The following MORC1 variants were observed in gnomAD, a reference collection of about 807,000 sequenced individuals.
The protein encoded by MORC1 is MORC family CW-type zinc finger protein 1.
Under a neutral mutation model 134.9 loss-of-function variants are expected in MORC1, and 59 were observed. The observed-to-expected ratio is 0.44, with a 90% CI of 0.35 to 0.54. The LOEUF is 0.54. Among genes scored for constraint, MORC1 ranks in the 20% least tolerant of loss-of-function variants. The probability of loss-of-function intolerance (pLI) is 0.00; values close to 1 mark genes in which losing one functional copy is unlikely to be tolerated. For missense variants in MORC1, 947 were observed against 1,134.5 expected (o/e 0.83, Z 2.37); for synonymous variants, 395 against 391.7 (o/e 1.01, Z -0.10).
At chr3:108,996,131 G>T (rs984715404) in intron 21 of MORC1, among the ~76,000 whole-genome samples, 3 of 152,268 alleles carry the variant, frequency 2.0e-5, no homozygotes, top group South Asian at 4.1e-4. Context: ...TAAAATAGGG[G>T]TGAAAAGAAT....
chr3:109,015,183 C>T (rs748638863), intron 17 of MORC1, among the ~76,000 whole-genome samples: 14 of 152,070 alleles, frequency 9.2e-5, no homozygotes, highest in Non-Finnish European at 1.6e-4. Context: ...CACACCCAGC[C>T]CCAAATGAAA....
chr3:109,018,162 C>T (rs1233538223), intron 17 of MORC1, among the ~76,000 whole-genome samples: 1 of 151,918 alleles, frequency 6.6e-6, no homozygotes, highest in East Asian at 1.9e-4. Context: ...ACTCACAGCC[C>T]TGGAAAGTAA....
At chr3:109,092,020 ACT>A (rs1950739661) in intron 8 of MORC1, among the ~76,000 whole-genome samples, 1 of 152,210 alleles carries the variant, frequency 6.6e-6, no homozygotes, top group South Asian at 2.1e-4. Flanking sequence ...ATGCCAAGGC[ACT>A]CTGACAGATA....
chr3:109,031,002 A>AAG (rs1249231151), intron 16 of MORC1, among the ~76,000 whole-genome samples: 1 of 152,228 alleles, frequency 6.6e-6, no homozygotes, highest in Non-Finnish European at 1.5e-5. Context: ...TAAATTTTTA[A>AAG]AGAGAGACAG....
intron 14 of MORC1, among the ~76,000 whole-genome samples, chr3:109,047,953 C>T (rs2107652564): frequency 6.6e-6 from 1 of 152,266 alleles, no homozygotes. Context: ...AGACAATCAG[C>T]CTCACAATGG....
intron 13 of MORC1, among the ~76,000 whole-genome samples, chr3:109,055,129 A>C (rs1949926825): frequency 6.6e-6 from 1 of 152,204 alleles, no homozygotes; most frequent in Non-Finnish European, 1.5e-5. Flanking sequence ...CTCGTTTTAC[A>C]AATCTATCGC....
At chr3:108,977,781 A>G (rs1947602073) in intron 24 of MORC1, among the ~76,000 whole-genome samples, 1 of 152,194 alleles carries the variant, frequency 6.6e-6, no homozygotes, top group Admixed American at 6.5e-5. Flanking sequence ...CTAGAAAAAT[A>G]CAGGCAGAGG....
intron 17 of MORC1, among the ~76,000 whole-genome samples, chr3:109,007,881 C>T (rs1244895933): frequency 2.6e-5 from 4 of 152,044 alleles, no homozygotes; most frequent in Admixed American, 1.3e-4. Context: ...ACCACTGATA[C>T]CACTGTCTCG....
intron 26 of MORC1, among the ~76,000 whole-genome samples, chr3:108,964,740 G>T (rs1559857721): frequency 6.6e-6 from 1 of 152,270 alleles, no homozygotes; most frequent in East Asian, 1.9e-4. Context: ...TTCACAGCAT[G>T]AGATAATACA....
At chr3:109,114,331 A>C in intron 2 of MORC1, 53 bp downstream of exon 2, 6 of 1,442,294 alleles carry the variant, frequency 4.2e-6, no homozygotes, top group African/African-American at 1.4e-5. Flanking sequence ...TAATTAGACA[A>C]GAGTTATGTC....
chr3:109,044,994 T>C (rs1949658100), intron 14 of MORC1, among the ~76,000 whole-genome samples: 1 of 151,568 alleles, frequency 6.6e-6, no homozygotes, highest in South Asian at 2.1e-4. Context: ...TAGATGTCAG[T>C]TTTGTATCTG....
intron 14 of MORC1, among the ~76,000 whole-genome samples, chr3:109,054,324 T>A (rs1308841909): frequency 2.0e-5 from 3 of 150,534 alleles, no homozygotes; most frequent in Non-Finnish European, 4.4e-5. Flanking sequence ...TTACCCAGGG[T>A]CAGTAGTTTT....
At chr3:108,994,676 C>T (rs1369626699) in intron 21 of MORC1, among the ~76,000 whole-genome samples, 2 of 151,878 alleles carry the variant, frequency 1.3e-5, no homozygotes, top group Admixed American at 1.3e-4. Context: ...CATGTACATG[C>T]CTTTTTTTAA....
At chr3:108,988,719 C>T (rs1947963419) in intron 21 of MORC1, among the ~76,000 whole-genome samples, 1 of 152,072 alleles carries the variant, frequency 6.6e-6, no homozygotes, top group East Asian at 1.9e-4. Flanking sequence ...TCTTTGGTAA[C>T]TTTCTTTTAT....
chr3:109,036,518 G>GA (rs542353729), intron 14 of MORC1, among the ~76,000 whole-genome samples: 2 of 150,624 alleles, frequency 1.3e-5, no homozygotes, highest in South Asian at 2.1e-4. Context: ...AAAATTTAAA[G>GA]AAAAAAAAAG....
At chr3:109,066,040 G>A (rs1228221584) in intron 9 of MORC1, among the ~76,000 whole-genome samples, 1 of 151,970 alleles carries the variant, frequency 6.6e-6, no homozygotes, top group Non-Finnish European at 1.5e-5. Flanking sequence ...GCAGGGATGG[G>A]GGCATGGGTA....
chr3:109,104,866 AACAC>A (rs5851642), intron 3 of MORC1, among the ~76,000 whole-genome samples: 307 of 149,288 alleles, frequency 2.1e-3, no homozygotes, highest in South Asian at 4.9e-3. Flanking sequence ...GACAAATTTT[AACAC>A]ACACACACAC....
rs971246014 is a variant in MORC1 at position 109,081,045 on chromosome 3, A to T, written c.690-11288T>A. 3.3e-5 allele frequency among the ~76,000 whole-genome samples: 5 copies of T among 152,156 alleles called. No homozygotes were observed. In the East Asian group the frequency reaches 9.6e-4, roughly 29 times the overall value. Reference sequence around the variant, plus strand: ...GTACACACACTTTGCACCATATTCAAAAACAATCAAGATAGATTAAAAGAC... The same window carrying T: ...GTACACACACTTTGCACCATATTCATAAACAATCAAGATAGATTAAAAGAC... On this transcript the variant is annotated intron_variant, in intron 8 of 27. Transcript: ENST00000232603.
At chr3:108,961,439 TG>T (rs1947076754) in intron 27 of MORC1, among the ~76,000 whole-genome samples, 1 of 152,194 alleles carries the variant, frequency 6.6e-6, no homozygotes, top group Non-Finnish European at 1.5e-5. Context: ...TCTCATCTTT[TG>T]GCTATTATCC....
Sources: gnomAD v4.1 joint callset for allele counts (sites outside exome capture counted in the v4.1 genomes callset) on GRCh38, gnomAD v4.1.1 for gene constraint, MANE v1.5 for transcripts, NCBI Gene and HGNC (gene_info 2026-07-23, HGNC 2026-07-21) for gene names.